RAB27B: variants seen among roughly 807,000 people sequenced by gnomAD.
RAB27B encodes ras-related protein Rab-27B.
RAB27B carries 15 observed loss-of-function variants against 24.6 expected under a neutral mutation model. The ratio of observed to expected loss-of-function variants is 0.61; its 90% CI spans 0.41 to 0.94. RAB27B has a LOEUF of 0.94. RAB27B is among the 40% of genes least tolerant of loss of function. The probability of loss-of-function intolerance (pLI) is 0.00; values close to 1 mark genes in which losing one functional copy is unlikely to be tolerated. For synonymous variants in RAB27B, 105 were observed against 92.5 expected, an observed-to-expected ratio of 1.14 and a Z score of -0.78; for missense variants, 261 against 266.8, an observed-to-expected ratio of 0.98 and a Z score of 0.15.
rs1211669492 is a variant in RAB27B at position 54,858,762 on chromosome 18, A to G, written c.-19-18805A>G. On this transcript the variant is annotated intron_variant, in intron 1 of 5. Coordinates refer to ENST00000262094, the MANE Select transcript of RAB27B (RefSeq NM_004163.4). Reference sequence around the variant, plus strand: ...AGTTTAGGTTATTGGAAACTTATAAAATAAAATTTGGATTTGGATTTTCCT... The same window carrying G: ...AGTTTAGGTTATTGGAAACTTATAAGATAAAATTTGGATTTGGATTTTCCT... 2.0e-5 allele frequency among the ~76,000 whole-genome samples: 3 copies of G among 152,138 alleles called. No homozygotes were observed. In the East Asian group the frequency reaches 5.8e-4, roughly 29 times the overall value.
At chr18:54,870,753 T>C (rs1033327990) in intron 1 of RAB27B, among the ~76,000 whole-genome samples, 1 of 152,220 alleles carries the variant, frequency 6.6e-6, no homozygotes, top group Non-Finnish European at 1.5e-5. Context: ...TGTATAGATA[T>C]ACACCATGCC....
intron 2 of RAB27B, among the ~76,000 whole-genome samples, chr18:54,736,186 A>G (rs1302445868): frequency 6.6e-6 from 1 of 152,206 alleles, no homozygotes; most frequent in African/African-American, 2.4e-5. Context: ...CGCAGTATCT[A>G]AGAAAATTTG....
intron 2 of RAB27B, among the ~76,000 whole-genome samples, chr18:54,793,174 A>G (rs1254707366): frequency 6.6e-6 from 1 of 152,098 alleles, no homozygotes; most frequent in East Asian, 1.9e-4. Flanking sequence ...AGACTATCTC[A>G]GTTCCTGATG....
At chr18:54,784,075 C>T (rs1433745360) in intron 2 of RAB27B, among the ~76,000 whole-genome samples, 1 of 152,126 alleles carries the variant, frequency 6.6e-6, no homozygotes, top group African/African-American at 2.4e-5. Context: ...CTATAGTATG[C>T]TAATTGGATC....
intron 2 of RAB27B, among the ~76,000 whole-genome samples, chr18:54,761,751 G>T (rs927404235): frequency 6.6e-6 from 1 of 152,210 alleles, no homozygotes; most frequent in Non-Finnish European, 1.5e-5. Context: ...AGAAGCACTT[G>T]TGTGTTACCA....
intron 2 of RAB27B, among the ~76,000 whole-genome samples, chr18:54,722,607 T>G (rs564649748): frequency 1.3e-5 from 2 of 152,284 alleles, no homozygotes; most frequent in South Asian, 4.1e-4. Flanking sequence ...GATCAGTATT[T>G]CTTTGATAAA....
At chr18:54,762,821 C>T (rs981815997) in intron 2 of RAB27B, among the ~76,000 whole-genome samples, 4 of 152,112 alleles carry the variant, frequency 2.6e-5, no homozygotes, top group East Asian at 1.9e-4. Flanking sequence ...CTCCTCCATT[C>T]GCATATTACA....
intron 2 of RAB27B, among the ~76,000 whole-genome samples, chr18:54,755,235 C>G (rs1044740074): frequency 1.3e-5 from 2 of 152,028 alleles, no homozygotes; most frequent in East Asian, 3.9e-4. Context: ...ACTAAAAATA[C>G]AAAAATTAGC....
chr18:54,879,325 C>T (rs939347369), intron 2 of RAB27B, 44 bp from the exon 3 acceptor site: 7 of 1,500,792 alleles, frequency 4.7e-6, no homozygotes, highest in Non-Finnish European at 5.6e-6. Context: ...TGAGTGCTGA[C>T]AAAATCCAAA....
rs1437814367 is a variant in RAB27B, at chr18:54,780,969, G to GA, written c.-20+62828_-20+62829insA. Among the ~76,000 whole-genome samples, 463 of 152,314 alleles carry GA rather than the reference G, an allele frequency of 3.0e-3. 6 individuals carry two copies. The highest frequency in any genetic ancestry group is 0.028 in the South Asian group (135 of 4,826). ...TATTCACACCCATGGTTATACCAAT[G>GA]CCTGCGGGTCTGGGAGAAGTACTCA... is the stretch of plus-strand genomic sequence containing the variant. On this transcript the variant is annotated intron_variant, in intron 2 of 4. Transcript: ENST00000586570.
chr18:54,868,888 T>C (rs1354794514), intron 1 of RAB27B, among the ~76,000 whole-genome samples: 1 of 152,188 alleles, frequency 6.6e-6, no homozygotes, highest in Non-Finnish European at 1.5e-5. Flanking sequence ...TTTTAGGCTA[T>C]CAGCATTTAA....
At chr18:54,800,533 C>T (rs779421411) in intron 2 of RAB27B, among the ~76,000 whole-genome samples, 4 of 152,170 alleles carry the variant, frequency 2.6e-5, no homozygotes, top group Non-Finnish European at 5.9e-5. Context: ...TTTGCATTGA[C>T]TTCATTGTCA....
At chr18:54,817,942 G>C (rs1286910415) in intron 2 of RAB27B, among the ~76,000 whole-genome samples, 1 of 151,986 alleles carries the variant, frequency 6.6e-6, no homozygotes, top group Non-Finnish European at 1.5e-5. Flanking sequence ...CTGTAGGAAG[G>C]GAGGAAACGG....
chr18:54,764,178 T>A (rs1314245376), intron 2 of RAB27B, among the ~76,000 whole-genome samples: 2 of 152,200 alleles, frequency 1.3e-5, no homozygotes, highest in Non-Finnish European at 2.9e-5. Flanking sequence ...GTGTTTACCA[T>A]CTTTGCATTG....
At chr18:54,804,891 TCTCTTTCTCTCTCTCTTTC>T (rs1909726610) in intron 2 of RAB27B, among the ~76,000 whole-genome samples, 1 of 78,606 alleles carries the variant, frequency 1.3e-5, no homozygotes, top group Non-Finnish European at 2.9e-5. Flanking sequence ...TTTCTTTCTT[TCTCTTTCTCTCTCTCTTTC>T]TTTCTTTCTT....
chr18:54,844,506 A>G (rs1911250229), intron 1 of RAB27B, among the ~76,000 whole-genome samples: 1 of 146,540 alleles, frequency 6.8e-6, no homozygotes, highest in East Asian at 2.0e-4. Flanking sequence ...TCCCGGTTTC[A>G]AGTGATTCTC....
intron 2 of RAB27B, among the ~76,000 whole-genome samples, chr18:54,779,278 G>A (rs1315371926): frequency 1.3e-5 from 2 of 152,124 alleles, no homozygotes; most frequent in African/African-American, 4.8e-5. Flanking sequence ...ATCAACCAGA[G>A]AGCTTATTGA....
At chr18:54,754,348 C>A (rs1207325013) in intron 2 of RAB27B, among the ~76,000 whole-genome samples, 1 of 152,136 alleles carries the variant, frequency 6.6e-6, no homozygotes, top group Non-Finnish European at 1.5e-5. Context: ...TCAATTAAAT[C>A]TCTTTCTTTT....
intron 1 of RAB27B, among the ~76,000 whole-genome samples, chr18:54,875,834 TTTGA>T (rs1263721382): frequency 6.6e-6 from 1 of 152,202 alleles, no homozygotes; most frequent in East Asian, 1.9e-4. Flanking sequence ...AGTTTTCAGT[TTTGA>T]TTGGTGACTA....
Sources: allele counts gnomAD v4.1 joint callset (sites outside exome capture counted in the v4.1 genomes callset), GRCh38; gene constraint gnomAD v4.1.1; transcripts MANE v1.5; gene names NCBI Gene and HGNC (gene_info 2026-07-23, HGNC 2026-07-21).